ZNF536: variants seen among roughly 807,000 people sequenced by gnomAD.
ZNF536 encodes the protein zinc finger protein 536.
Under a neutral mutation model 84.5 loss-of-function variants are expected in ZNF536, and 13 were observed. That is an observed-to-expected ratio of 0.15 (90% confidence interval 0.10 to 0.24). The LOEUF (loss-of-function observed/expected upper bound fraction) is 0.24, where lower values mean the gene tolerates loss of function less well. ZNF536 is among the 10% of genes least tolerant of loss of function. The pLI, the probability that ZNF536 is intolerant of heterozygous loss-of-function variation, is 1.00. For synonymous variants in ZNF536, 811 were observed against 742.5 expected, an observed-to-expected ratio of 1.09 and a Z score of -1.50; for missense variants, 1,536 against 1,747.5, an observed-to-expected ratio of 0.88 and a Z score of 2.16.
chr19:30,252,589 AT>A (rs2024679544), intron 1 of ZNF536, among the ~76,000 whole-genome samples: 1 of 152,146 alleles, frequency 6.6e-6, no homozygotes, highest in East Asian at 1.9e-4. Context: ...CCTGCCTACC[AT>A]TTTTTTGAGT....
At chr19:30,569,055 A>G (rs559944045) in intron 1 of ZNF536, among the ~76,000 whole-genome samples, 1 of 152,284 alleles carries the variant, frequency 6.6e-6, no homozygotes, top group South Asian at 2.1e-4. Context: ...CTAAATGATG[A>G]ATCCATAGGA....
Position 30,252,570 on chromosome 19 carries a change from C to T in ZNF536, c.-190+23897C>T, listed in dbSNP as rs533023238. 7.4e-5 allele frequency among the ~76,000 whole-genome samples: 11 copies of T among 147,776 alleles called. No individual in the cohort carries two copies. The South Asian group carries it at 1.1e-3, about 15-fold the overall frequency. On this transcript the variant is annotated intron_variant, in intron 1 of 5. Transcript: ENST00000585628. ...TTCTGCCCACCTGTATGCCATAGCC[C>T]GAGAGACACCTGCCTACCATTTTTT... is the stretch of plus-strand genomic sequence containing the variant.
intron 1 of ZNF536, among the ~76,000 whole-genome samples, chr19:30,658,948 C>A (rs1017932087): frequency 6.6e-6 from 1 of 152,170 alleles, no homozygotes; most frequent in African/African-American, 2.4e-5. Flanking sequence ...ATTTTTACTC[C>A]TGTTTAAAAT....
intron 2 of ZNF536, among the ~76,000 whole-genome samples, chr19:30,533,063 TC>T (rs2145906833): frequency 1.3e-5 from 2 of 152,268 alleles, no homozygotes; most frequent in South Asian, 4.2e-4. Context: ...TGAATAGCTC[TC>T]CAATGATGGT....
chr19:30,299,859 C>G (rs575791880), intron 2 of ZNF536, among the ~76,000 whole-genome samples: 2 of 152,012 alleles, frequency 1.3e-5, no homozygotes, highest in South Asian at 4.2e-4. Flanking sequence ...TGAAATATGT[C>G]AAAAAAGGAA....
rs557271787 is a variant in ZNF536, at chr19:30,318,115, G to A, written c.-120+33974G>A. ...GGCCTGCCCTTTCCAAGGTCCTTGT[G>A]ATCACATTTTTTAAAATGATAAAAC... On this transcript the variant is annotated intron_variant, in intron 2 of 5. Coordinates refer to the ZNF536 transcript ENST00000585628. Among the ~76,000 whole-genome samples the A allele has an allele frequency of 2.6e-5, 4 of 152,292 alleles. No individual in the cohort carries two copies. The East Asian group carries it at 7.7e-4, about 29-fold the overall frequency.
intron 3 of ZNF536, among the ~76,000 whole-genome samples, chr19:30,538,188 A>G (rs1599732600): frequency 1.3e-5 from 2 of 152,290 alleles, no homozygotes; most frequent in East Asian, 3.9e-4. Context: ...AATACCATAC[A>G]GTTTTTGTAT....
At chr19:30,591,897 T>C (rs769369420) in intron 1 of ZNF536, among the ~76,000 whole-genome samples, 1 of 152,228 alleles carries the variant, frequency 6.6e-6, no homozygotes, top group African/African-American at 2.4e-5. Flanking sequence ...AGTACTCACA[T>C]ACTGACTAGG....
At chr19:30,596,319 A>C (rs900450782) in intron 1 of ZNF536, among the ~76,000 whole-genome samples, 2 of 152,224 alleles carry the variant, frequency 1.3e-5, no homozygotes, top group African/African-American at 2.4e-5. Context: ...TTTTTAATAA[A>C]AGAACGTCTC....
At chr19:30,619,089 C>G (rs2048395249) in intron 1 of ZNF536, among the ~76,000 whole-genome samples, 1 of 152,130 alleles carries the variant, frequency 6.6e-6, no homozygotes, top group Admixed American at 6.5e-5. Context: ...ATTGTACCCA[C>G]CACGTAATTT....
chr19:30,336,372 C>G (rs2047384746), intron 2 of ZNF536, among the ~76,000 whole-genome samples: 1 of 152,164 alleles, frequency 6.6e-6, no homozygotes, highest in East Asian at 1.9e-4. Flanking sequence ...GATGAATGAA[C>G]AGGACACCTC....
intron 1 of ZNF536, among the ~76,000 whole-genome samples, chr19:30,624,083 T>C (rs1353160036): frequency 6.6e-6 from 1 of 152,060 alleles, no homozygotes; most frequent in East Asian, 1.9e-4. Context: ...TTGTCTGGCG[T>C]ATTGTGGGGT....
chr19:30,653,343 C>T (rs577483814), intron 1 of ZNF536, among the ~76,000 whole-genome samples: 4 of 152,122 alleles, frequency 2.6e-5, no homozygotes, highest in South Asian at 4.2e-4. Context: ...CATCTGCTTT[C>T]GGGGAGACAA....
intron 1 of ZNF536, among the ~76,000 whole-genome samples, chr19:30,659,429 C>T (rs533934932): frequency 5.3e-5 from 8 of 152,252 alleles, no homozygotes; most frequent in African/African-American, 1.9e-4. Flanking sequence ...CCAATCACTC[C>T]CACCAGGTCC....
chr19:30,336,382 C>T (rs1005510129), intron 2 of ZNF536, among the ~76,000 whole-genome samples: 3 of 152,186 alleles, frequency 2.0e-5, no homozygotes, highest in African/African-American at 7.2e-5. Context: ...CAGGACACCT[C>T]CACGTGGAAT....
intron 1 of ZNF536, among the ~76,000 whole-genome samples, chr19:30,236,884 G>A (rs550119938): frequency 6.6e-5 from 10 of 152,162 alleles, no homozygotes; most frequent in Non-Finnish European, 1.0e-4. Flanking sequence ...GCTGTCTGGT[G>A]AGGTCAAGTA....
chr19:30,254,475 G>T (rs1311069058), intron 1 of ZNF536, among the ~76,000 whole-genome samples: 1 of 149,524 alleles, frequency 6.7e-6, no homozygotes, highest in Non-Finnish European at 1.5e-5. Flanking sequence ...CCGCCTTATT[G>T]TTCAAGTGCA....
chr19:30,355,779 C>T (rs2048074808), intron 3 of ZNF536, among the ~76,000 whole-genome samples: 1 of 152,106 alleles, frequency 6.6e-6, no homozygotes, highest in African/African-American at 2.4e-5. Context: ...CATAGGATCC[C>T]AGGCCCTATT....
chr19:30,355,531 G>C (rs2048066095), intron 3 of ZNF536, among the ~76,000 whole-genome samples: 1 of 152,022 alleles, frequency 6.6e-6, no homozygotes, highest in Non-Finnish European at 1.5e-5. Context: ...AGGACTACAA[G>C]TGCCTCCCAC....
Sources: gnomAD v4.1 joint callset for allele counts (sites outside exome capture counted in the v4.1 genomes callset) on GRCh38, gnomAD v4.1.1 for gene constraint, MANE v1.5 for transcripts, NCBI Gene and HGNC (gene_info 2026-07-23, HGNC 2026-07-21) for gene names.